Variants in CCDC178 observed in about 807,000 individuals in gnomAD.
CCDC178 encodes coiled-coil domain containing 178, also known as coiled-coil domain-containing protein 178.
Under a neutral mutation model 117.4 loss-of-function variants are expected in CCDC178, and 126 were observed. That is an observed-to-expected ratio of 1.07 (90% CI 0.93 to 1.24). CCDC178 has a LOEUF of 1.24. CCDC178 is among the 50% of genes most tolerant of loss of function. CCDC178 has a pLI of 0.00. For missense variants in CCDC178, 1,030 were observed against 986.9 expected (o/e 1.04, Z -0.59); for synonymous variants, 283 against 313.4 (o/e 0.90, Z 1.02).
rs148766446 is a variant in CCDC178 at position 33,419,068 on chromosome 18, C to T, written c.-22-6958G>A. Among the ~76,000 whole-genome samples the T allele has an allele frequency of 1.9e-3, 282 of 152,176 alleles. 1 individual carries two copies. Among genetic ancestry groups the T allele is most frequent in the African/African-American group, 6.4e-3 (266 of 41,524 alleles). On this transcript the variant is annotated intron_variant, in intron 2 of 22. Transcript: ENST00000383096. ...TACAAGGCTACAGTAACCAAAACAG[C>T]GCGGTACTGGTACAAAAACAGAGAC... is the stretch of plus-strand genomic sequence containing the variant.
intron 20 of CCDC178, among the ~76,000 whole-genome samples, chr18:33,186,996 T>C (rs542845190): frequency 2.0e-5 from 3 of 150,122 alleles, no homozygotes; most frequent in African/African-American, 7.5e-5. Context: ...AGGTAAGCGG[T>C]TTAATTGACT....
Position 33,407,481 on chromosome 18 carries a change from TA to T in CCDC178, c.58+4549del, listed in dbSNP as rs138594899. On this transcript the variant is annotated intron_variant, in intron 3 of 22. Transcript: ENST00000383096. Reference sequence around the variant, plus strand: ...CAAAATAACAACAAAAACCTACAGATAATCCAAAAGTTTTGATATTAGCAAT... The same window carrying T: ...CAAAATAACAACAAAAACCTACAGATATCCAAAAGTTTTGATATTAGCAAT... Among the ~76,000 whole-genome samples the T allele has an allele frequency of 4.7e-3, 711 of 152,166 alleles. 2 individuals carry two copies. Among genetic ancestry groups the T allele is most frequent in the Non-Finnish European group, 7.5e-3 (512 of 67,970 alleles).
chr18:33,389,581 T>C lies in CCDC178; in HGVS notation c.167A>G (p.Asn56Ser). Reference protein sequence around the residue: ...SLVLYGASKENSEGFHESKMT... With the variant: ...SLVLYGASKESSEGFHESKMT... The stretch of plus-strand genomic sequence containing the variant: ...TTTACTTTCATGAAAACCTTCACTG[T>C]TCTCCTTAGAGGCTCCATATAGAAC... The change falls in exon 5 of 23, where the codon AAC (asparagine) becomes AGC (serine). Residue 56 changes from asparagine to serine, a missense_variant. Asn to Ser is a conservative substitution (Grantham distance 46). Coordinates refer to ENST00000383096, the MANE Select transcript of CCDC178 (RefSeq NM_001105528.4). The C allele has an allele frequency of 6.5e-7, 1 of 1,529,440 alleles. No individual in the cohort carries two copies. Among genetic ancestry groups the C allele is most frequent in the South Asian group, 1.4e-5 (1 of 73,148 alleles). The allele number at this position is 1,529,440 out of a possible 1,614,324, so 94.7% of individuals were successfully genotyped here.
chr18:33,242,772 T>G (rs919642241), intron 15 of CCDC178, among the ~76,000 whole-genome samples: 3 of 151,796 alleles, frequency 2.0e-5, no homozygotes, highest in Non-Finnish European at 4.4e-5. Flanking sequence ...GCTGGTGAGA[T>G]GTGGAAAAAA....
rs186683552 is a variant in CCDC178 at position 33,390,268 on chromosome 18, A to G, written c.119-639T>C. On this transcript the variant is annotated intron_variant, in intron 4 of 22. Transcript: ENST00000383096. ...TTCTAAAACATAAAAATATATTATC[A>G]TTTATTTGACATTTTCTTATAAAGC... Among the ~76,000 whole-genome samples, 863 of 151,928 alleles carry G rather than the reference A, an allele frequency of 5.7e-3. 6 individuals carry two copies. The highest frequency in any genetic ancestry group is 0.02 in the African/African-American group (826 of 41,530).
chr18:33,147,975 C>T (rs368692700), intron 20 of CCDC178, among the ~76,000 whole-genome samples: 9 of 151,084 alleles, frequency 6.0e-5, no homozygotes, highest in South Asian at 2.1e-4. Context: ...CCGGACGGGG[C>T]GGCGGCCGGG....
intron 6 of CCDC178, among the ~76,000 whole-genome samples, chr18:33,365,700 T>C (rs1014890962): frequency 2.6e-5 from 4 of 152,096 alleles, no homozygotes; most frequent in African/African-American, 9.7e-5. Flanking sequence ...GTGTTATTCT[T>C]TTAAGTTACA....
chr18:32,977,351 G>GA (rs2055048654), intron 21 of CCDC178, among the ~76,000 whole-genome samples: 1 of 152,048 alleles, frequency 6.6e-6, no homozygotes. Flanking sequence ...AACACCCAAG[G>GA]GTTCCGTAGA....
chr18:32,997,604 A>ATGTC (rs1555695967), intron 21 of CCDC178, among the ~76,000 whole-genome samples: 3 of 151,364 alleles, frequency 2.0e-5, no homozygotes, highest in African/African-American at 7.3e-5. Context: ...CATAAAGTGT[A>ATGTC]TGTGTGTGTG....
At chr18:33,029,139 T>C (rs556897349) in intron 21 of CCDC178, among the ~76,000 whole-genome samples, 1 of 151,922 alleles carries the variant, frequency 6.6e-6, no homozygotes, top group South Asian at 2.1e-4. Context: ...AGTGAATCCA[T>C]CTGAGCCTGG....
intron 8 of CCDC178, 116 bp from the exon 9 acceptor site, chr18:33,346,527 T>G: frequency 2.2e-6 from 1 of 456,334 alleles, no homozygotes; most frequent in East Asian, 3.7e-5. Context: ...AAGAGAATGT[T>G]AGAAAAATGA....
At position 33,370,149 on chromosome 18, in the gene CCDC178, A is replaced by ACGT; in HGVS notation, c.246_248dup (p.Arg83dup). The ACGT allele has an allele frequency of 6.2e-7, 1 of 1,605,050 alleles. No homozygotes were observed. The highest frequency in any genetic ancestry group is 8.5e-7 in the Non-Finnish European group (1 of 1,175,658). On this transcript the variant is annotated inframe_insertion, in exon 6 of 23. Transcript: ENST00000383096. ...GAATATTTACTACGGCACAGCTGTG[A>ACGT]CGTCGACATGGGTAGCTAAAGTAAA...
chr18:33,170,529 A>G (rs1022520847), intron 20 of CCDC178, among the ~76,000 whole-genome samples: 5 of 152,164 alleles, frequency 3.3e-5, no homozygotes, highest in African/African-American at 4.8e-5. Flanking sequence ...TGTTATATAT[A>G]CAGCATAAAT....
intron 20 of CCDC178, among the ~76,000 whole-genome samples, chr18:33,106,209 C>A (rs1167979761): frequency 6.6e-6 from 1 of 151,584 alleles, no homozygotes; most frequent in Non-Finnish European, 1.5e-5. Flanking sequence ...TAGGTCAGAA[C>A]AAGTGCCCTT....
chr18:32,940,698 C>T (rs2144584986), intron 22 of CCDC178, among the ~76,000 whole-genome samples: 1 of 151,992 alleles, frequency 6.6e-6, no homozygotes, highest in Admixed American at 6.6e-5. Flanking sequence ...CAAGTAGACC[C>T]CAGTGTCTGT....
rs1009720388 is a variant in CCDC178, at chr18:32,974,800, G to T, written c.2389-119C>A. 4.5e-6 allele frequency: 4 copies of T among 896,192 alleles called. No individual in the cohort carries two copies. The African/African-American group carries it at 5.0e-5, about 11-fold the overall frequency. 55.5% of individuals were successfully genotyped at this position (896,192 alleles called of 1,614,324 possible). On this transcript the variant is annotated intron_variant, in intron 21 of 22. Transcript: ENST00000383096. ...AGCAGTCAATAGCCCATTCTGCACT[G>T]CACGGACCTGACAGGAATTTCACAG...
chr18:33,391,839 T>TG (rs1419866161), intron 4 of CCDC178, among the ~76,000 whole-genome samples: 1 of 151,916 alleles, frequency 6.6e-6, no homozygotes, highest in Non-Finnish European at 1.5e-5. Context: ...TACTAGGACA[T>TG]TAAAGGGAAA....
At chr18:33,346,788 T>C (rs1255524836) in intron 8 of CCDC178, among the ~76,000 whole-genome samples, 1 of 152,164 alleles carries the variant, frequency 6.6e-6, no homozygotes, top group Non-Finnish European at 1.5e-5. Flanking sequence ...ATAATGATTA[T>C]ATCAGGTAAA....
intron 4 of CCDC178, among the ~76,000 whole-genome samples, chr18:33,394,050 T>C (rs2063598093): frequency 6.6e-6 from 1 of 152,164 alleles, no homozygotes; most frequent in East Asian, 1.9e-4. Flanking sequence ...ATCTTAAAAT[T>C]CAAGGTTGGT....
Sources: allele counts gnomAD v4.1 joint callset (sites outside exome capture counted in the v4.1 genomes callset), GRCh38; gene constraint gnomAD v4.1.1; transcripts MANE v1.5; gene names NCBI Gene and HGNC (gene_info 2026-07-23, HGNC 2026-07-21).